The following TPH2 variants were observed in gnomAD, a reference collection of about 807,000 sequenced individuals.
TPH2 encodes tryptophan 5-hydroxylase 2.
A neutral mutation model predicts 59.1 loss-of-function variants in TPH2; 27 were observed. The ratio of observed to expected loss-of-function variants is 0.46; its 90% CI spans 0.34 to 0.63. The LOEUF is 0.63. Among genes scored for constraint, TPH2 ranks in the 30% least tolerant of loss-of-function variants. The pLI is 0.01. For synonymous variants in TPH2, 220 were observed against 210.5 expected, an observed-to-expected ratio of 1.05 and a Z score of -0.39; for missense variants, 523 against 588.3, an observed-to-expected ratio of 0.89 and a Z score of 1.15.
chr12:72,003,896 A>G (rs1872885614), intron 8 of TPH2, among the ~76,000 whole-genome samples: 1 of 152,226 alleles, frequency 6.6e-6, no homozygotes, highest in South Asian at 2.1e-4. Context: ...GCCATCATAT[A>G]ATTGCAGATG....
chr12:71,966,480 C>T (rs1042341122), intron 5 of TPH2, among the ~76,000 whole-genome samples: 3 of 152,092 alleles, frequency 2.0e-5, no homozygotes, highest in Non-Finnish European at 4.4e-5. Flanking sequence ...AAATGTCAAT[C>T]AAGACAGAAA....
At chr12:71,972,955 C>T (rs918016029) in intron 6 of TPH2, among the ~76,000 whole-genome samples, 5 of 152,128 alleles carry the variant, frequency 3.3e-5, no homozygotes, top group African/African-American at 1.2e-4. Flanking sequence ...AATGGTAAGG[C>T]CCAAAGGATA....
intron 8 of TPH2, among the ~76,000 whole-genome samples, chr12:72,021,356 AGTGTGTGTGTGTGT>A (rs57532900): frequency 1.2e-3 from 179 of 143,408 alleles, no homozygotes; most frequent in Middle Eastern, 3.6e-3. Flanking sequence ...GGGCCAATAA[AGTGTGTGTGTGTGT>A]GTGTGTGTGT....
chr12:72,022,403 A>G lies in TPH2; in HGVS notation c.1073A>G (p.Tyr358Cys). Residue 358 changes from tyrosine (Y) to cysteine (C), a missense_variant, in exon 9 of 11, where the codon TAT becomes TGT. Transcript: ENST00000333850. ...TATGTGTTCGTTTTTCTTCAGTGCT[A>G]TTTCTTCACAATCGAGTTTGGCCTT... ...DEDVQKLATCYFFTIEFGLCK... is the reference protein window; with the variant it reads ...DEDVQKLATCCFFTIEFGLCK... 1 of 1,613,714 alleles carries G rather than the reference A, an allele frequency of 6.2e-7. No individual in the cohort carries two copies. Among genetic ancestry groups the G allele is most frequent in the Non-Finnish European group, 8.5e-7 (1 of 1,179,626 alleles).
chr12:71,999,679 G>A (rs1299473004), intron 8 of TPH2, among the ~76,000 whole-genome samples: 1 of 152,200 alleles, frequency 6.6e-6, no homozygotes, highest in Non-Finnish European at 1.5e-5. Context: ...GAGTATCAGA[G>A]CATGTGGACA....
At position 71,952,435 on chromosome 12, in the gene TPH2, G is replaced by T. The variant is rs562765788; in HGVS notation, c.608+2780G>T. ...ATGTTCAGGAAGCCAAGAGAGCCAGGAAATGGCCAATTCATCATTTTATAG... is the reference window on the plus strand; with the variant it reads ...ATGTTCAGGAAGCCAAGAGAGCCAGTAAATGGCCAATTCATCATTTTATAG... On this transcript the variant is annotated intron_variant, in intron 5 of 10. Transcript: ENST00000333850. Among the ~76,000 whole-genome samples the T allele has an allele frequency of 4.6e-5, 7 of 152,196 alleles. No homozygotes were observed. The East Asian group carries it at 1.4e-3, about 29-fold the overall frequency.
chr12:71,992,003 C>T (rs1030854046), intron 7 of TPH2, among the ~76,000 whole-genome samples: 2 of 152,124 alleles, frequency 1.3e-5, no homozygotes, highest in African/African-American at 4.8e-5. Context: ...TCAGGTTTAC[C>T]TCAGGGAGCC....
intron 5 of TPH2, among the ~76,000 whole-genome samples, chr12:71,951,669 G>T (rs1158192774): frequency 6.6e-6 from 1 of 151,198 alleles, no homozygotes; most frequent in Non-Finnish European, 1.5e-5. Flanking sequence ...TTTATATGTA[G>T]ATGCTATATG....
chr12:72,021,002 C>A (rs1873396921), intron 8 of TPH2, among the ~76,000 whole-genome samples: 1 of 144,528 alleles, frequency 6.9e-6, no homozygotes, highest in Non-Finnish European at 1.5e-5. Flanking sequence ...AAAAATAGAG[C>A]AAACTGACAC....
chr12:72,001,556 G>A (rs988676281), intron 8 of TPH2, among the ~76,000 whole-genome samples: 2 of 151,960 alleles, frequency 1.3e-5, no homozygotes, highest in Admixed American at 1.3e-4. Context: ...CCCCCGGGTA[G>A]ATGGGATTAC....
intron 7 of TPH2, among the ~76,000 whole-genome samples, chr12:71,991,279 G>T (rs1020799974): frequency 2.2e-4 from 33 of 152,140 alleles, no homozygotes; most frequent in African/African-American, 7.7e-4. Context: ...TTTTGGATTG[G>T]CTTTCTTCAA....
In TPH2 at chr12:72,015,239, G is replaced by GAAA; in HGVS notation, c.1069-7157_1069-7155dup. Among the ~76,000 whole-genome samples the GAAA allele has an allele frequency of 1.3e-5, 2 of 150,652 alleles. 1 individual carries two copies. The highest frequency in any genetic ancestry group is 6.8e-3 in the Middle Eastern group (2 of 294). On this transcript the variant is annotated intron_variant, in intron 8 of 10. Transcript: ENST00000333850. ...TAGTTGTCTTCTCAAAAACTAGATG[G>GAAA]AAAAATGTTAGTAAAAACACTGTGA... is the stretch of plus-strand genomic sequence containing the variant.
At chr12:72,012,772 G>A (rs763876549) in intron 8 of TPH2, among the ~76,000 whole-genome samples, 4 of 152,192 alleles carry the variant, frequency 2.6e-5, no homozygotes, top group Non-Finnish European at 5.9e-5. Context: ...TAAGTGAAAG[G>A]AAGAGATTGG....
chr12:71,995,936 A>T (rs1283570639), intron 8 of TPH2, among the ~76,000 whole-genome samples: 1 of 152,228 alleles, frequency 6.6e-6, no homozygotes, highest in African/African-American at 2.4e-5. Flanking sequence ...TGGTATAAGG[A>T]TTGTGTCTCA....
intron 1 of TPH2, among the ~76,000 whole-genome samples, chr12:71,940,767 G>C (rs1871035481): frequency 6.6e-6 from 1 of 151,900 alleles, no homozygotes; most frequent in African/African-American, 2.4e-5. Flanking sequence ...TTTTTCTTTA[G>C]CCAGCAGGAT....
intron 8 of TPH2, among the ~76,000 whole-genome samples, chr12:72,019,119 C>CCT (rs36090475): frequency 1.3e-5 from 2 of 151,366 alleles, no homozygotes; most frequent in Non-Finnish European, 3.0e-5. Flanking sequence ...TTTAGCTTTT[C>CCT]AACATGTATT....
intron 5 of TPH2, among the ~76,000 whole-genome samples, chr12:71,958,504 A>G (rs1871578090): frequency 6.6e-6 from 1 of 152,308 alleles, no homozygotes; most frequent in Admixed American, 6.5e-5. Flanking sequence ...TATTTAATAC[A>G]CTTAGAATTT....
At chr12:71,989,141 A>C (rs143946012) in intron 7 of TPH2, among the ~76,000 whole-genome samples, 1 of 150,772 alleles carries the variant, frequency 6.6e-6, no homozygotes, top group Admixed American at 6.6e-5. Context: ...TTGTAGCTAT[A>C]CTGTGATAGG....
chr12:71,983,771 C>G (rs1028864483), intron 7 of TPH2, among the ~76,000 whole-genome samples: 5 of 143,920 alleles, frequency 3.5e-5, no homozygotes, highest in African/African-American at 1.4e-4. Flanking sequence ...CAGACAGACA[C>G]ACACAGAGAG....
Sources: gnomAD v4.1 joint callset for allele counts (sites outside exome capture counted in the v4.1 genomes callset) on GRCh38, gnomAD v4.1.1 for gene constraint, MANE v1.5 for transcripts, NCBI Gene and HGNC (gene_info 2026-07-23, HGNC 2026-07-21) for gene names.